POU2F3: variants seen among roughly 807,000 people sequenced by gnomAD.
The protein encoded by POU2F3 is POU class 2 homeobox 3.
Under a neutral mutation model 59.2 loss-of-function variants are expected in POU2F3, and 23 were observed. The observed-to-expected ratio is 0.39, with a 90% CI of 0.28 to 0.55. The LOEUF (loss-of-function observed/expected upper bound fraction) is 0.55, where lower values mean the gene tolerates loss of function less well. Among genes scored for constraint, POU2F3 ranks in the 20% least tolerant of loss-of-function variants. The pLI is 0.66. For synonymous variants in POU2F3, 190 were observed against 214.6 expected, an observed-to-expected ratio of 0.89 and a Z score of 1.00; for missense variants, 473 against 544.5, an observed-to-expected ratio of 0.87 and a Z score of 1.31.
chr11:120,295,282 C>T (rs940921528), intron 3 of POU2F3, among the ~76,000 whole-genome samples: 7 of 152,244 alleles, frequency 4.6e-5, no homozygotes, highest in Non-Finnish European at 7.3e-5. Flanking sequence ...GCTGCCTCTC[C>T]TTATCTCTCC....
intron 3 of POU2F3, among the ~76,000 whole-genome samples, chr11:120,284,462 G>A (rs564914996): frequency 2.6e-5 from 4 of 152,262 alleles, no homozygotes; most frequent in South Asian, 2.1e-4. Flanking sequence ...ACCACTTGCC[G>A]GCTGGGCCCG....
At chr11:120,305,390 C>T in intron 7 of POU2F3, 178 bp downstream of exon 7, 2 of 901,710 alleles carry the variant, frequency 2.2e-6, no homozygotes, top group South Asian at 3.9e-5. Context: ...GAGGACGTTG[C>T]TGGTGGAGGA....
chr11:120,307,364 C>T, intron 8 of POU2F3, 115 bp from the exon 9 acceptor site: 1 of 1,227,596 alleles, frequency 8.1e-7, no homozygotes, highest in Non-Finnish European at 1.2e-6. Flanking sequence ...GGGGATTGCT[C>T]CTGAAAATGC....
chr11:120,262,694 G>C (rs1433500738), intron 2 of POU2F3, among the ~76,000 whole-genome samples: 1 of 152,226 alleles, frequency 6.6e-6, no homozygotes, highest in African/African-American at 2.4e-5. Context: ...TCCAGTTTGA[G>C]GTTGGTTGTT....
At chr11:120,316,418 C>G (rs1304895158) in intron 11 of POU2F3, among the ~76,000 whole-genome samples, 1 of 152,082 alleles carries the variant, frequency 6.6e-6, no homozygotes, top group East Asian at 1.9e-4. Flanking sequence ...GTTCATTGTT[C>G]TTTTTGTTTT....
rs554925387 is a variant in POU2F3, at chr11:120,314,720, G to C, written c.1069-641G>C. Among the ~76,000 whole-genome samples, 6 of 152,252 alleles carry C rather than the reference G, an allele frequency of 3.9e-5. 1 individual carries two copies. In the South Asian group the frequency reaches 1.2e-3, roughly 32 times the overall value. On this transcript the variant is annotated intron_variant, in intron 10 of 12. Transcript: ENST00000543440. The stretch of plus-strand genomic sequence containing the variant: ...TTGTTCTAGGATAGTAACAGTGAGG[G>C]GGAGGTTCCTGAATTGCATGGGAGG...
chr11:120,266,278 T>C (rs1289349994), intron 2 of POU2F3, among the ~76,000 whole-genome samples: 1 of 152,106 alleles, frequency 6.6e-6, no homozygotes, highest in East Asian at 1.9e-4. Flanking sequence ...CCCTGTCAGC[T>C]GTCCATTTAA....
At chr11:120,267,036 T>G (rs1027494466) in intron 2 of POU2F3, among the ~76,000 whole-genome samples, 3 of 152,192 alleles carry the variant, frequency 2.0e-5, no homozygotes, top group Non-Finnish European at 4.4e-5. Context: ...CAAAGGGATT[T>G]TTTTTAAGAG....
At chr11:120,237,322 C>T (rs1176419308), upstream of POU2F3, among the ~76,000 whole-genome samples, 1 of 152,050 alleles carries the variant, frequency 6.6e-6, no homozygotes, top group East Asian at 1.9e-4. Flanking sequence ...GCTATCCTCT[C>T]CCCACCCAGC....
chr11:120,236,802 C>A (rs1316020236), upstream of POU2F3: 2 of 1,233,980 alleles, frequency 1.6e-6, no homozygotes, highest in East Asian at 5.0e-5. Flanking sequence ...GCTCACCATT[C>A]CCCCTCAACC....
At chr11:120,269,090 G>A (rs1939954758) in intron 2 of POU2F3, 120 bp from the exon 3 acceptor site, 11 of 696,580 alleles carry the variant, frequency 1.6e-5, no homozygotes, top group Middle Eastern at 2.5e-4. Context: ...AACCACAAGC[G>A]AAGCAGGTGC....
chr11:120,246,347 G>A (rs77734070), intron 1 of POU2F3, 102 bp from the exon 2 acceptor site: 62 of 1,171,524 alleles, frequency 5.3e-5, no homozygotes, highest in Non-Finnish European at 7.7e-5. Flanking sequence ...TCTGATGGTT[G>A]TTGTAATTAC....
upstream of POU2F3, chr11:120,240,099 T>C: frequency 1.8e-6 from 2 of 1,139,010 alleles, no homozygotes; most frequent in East Asian, 4.6e-5. Flanking sequence ...CCAGGGGGCG[T>C]GGCCGGCGGC....
intron 3 of POU2F3, among the ~76,000 whole-genome samples, chr11:120,279,475 C>A (rs1464115251): frequency 6.6e-6 from 1 of 152,216 alleles, no homozygotes; most frequent in Admixed American, 6.5e-5. Context: ...TGTGTGGTTA[C>A]TTAGCTGGGC....
At chr11:120,271,948 A>C (rs1940098145) in intron 3 of POU2F3, among the ~76,000 whole-genome samples, 1 of 152,106 alleles carries the variant, frequency 6.6e-6, no homozygotes, top group South Asian at 2.1e-4. Context: ...ACGTTCATTT[A>C]CACACTCAGG....
chr11:120,240,082 G>T, upstream of POU2F3: 2 of 1,123,710 alleles, frequency 1.8e-6, no homozygotes, highest in Non-Finnish European at 2.2e-6. Flanking sequence ...CAGGCGCGGG[G>T]CTCCTGCCAG....
chr11:120,273,708 G>A (rs1238309341), intron 3 of POU2F3, among the ~76,000 whole-genome samples: 2 of 152,180 alleles, frequency 1.3e-5, no homozygotes, highest in South Asian at 2.1e-4. Flanking sequence ...GAAGGATACA[G>A]ACAGAGCATG....
chr11:120,317,962 G>A (rs964439621), intron 12 of POU2F3, among the ~76,000 whole-genome samples: 8 of 152,186 alleles, frequency 5.3e-5, no homozygotes, highest in African/African-American at 1.4e-4. Flanking sequence ...ACCTGAGTTC[G>A]TCAGAAAAGA....
At chr11:120,259,109 C>G (rs1366391822) in intron 2 of POU2F3, 1 of 152,374 alleles carries the variant, frequency 6.6e-6, no homozygotes, top group Middle Eastern at 3.1e-3. Context: ...CTCCTGGTAT[C>G]TGTGGGACCG....
Sources: allele counts gnomAD v4.1 joint callset (sites outside exome capture counted in the v4.1 genomes callset), GRCh38; gene constraint gnomAD v4.1.1; transcripts MANE v1.5; gene names NCBI Gene and HGNC (gene_info 2026-07-23, HGNC 2026-07-21).